Variants in SLC5A11 observed in about 807,000 individuals in gnomAD.
The protein encoded by SLC5A11 is sodium/myo-inositol cotransporter 2.
A neutral mutation model predicts 69.8 loss-of-function variants in SLC5A11; 48 were observed. That is an observed-to-expected ratio of 0.69 (90% CI 0.55 to 0.87). The LOEUF (loss-of-function observed/expected upper bound fraction) is 0.87, where lower values mean the gene tolerates loss of function less well. Among genes scored for constraint, SLC5A11 ranks in the 40% least tolerant of loss-of-function variants. SLC5A11 has a pLI of 0.00. For missense variants in SLC5A11, 784 were observed against 866.1 expected, an observed-to-expected ratio of 0.91 and a Z score of 1.19; for synonymous variants, 319 against 342.4, an observed-to-expected ratio of 0.93 and a Z score of 0.75.
chr16:24,880,156 T>C (rs968798282), intron 7 of SLC5A11, among the ~76,000 whole-genome samples: 1 of 151,788 alleles, frequency 6.6e-6, no homozygotes, highest in African/African-American at 2.4e-5. Flanking sequence ...TACCCGAGAC[T>C]GGATAATTTA....
intron 8 of SLC5A11, 75 bp from the exon 10 acceptor site, chr16:24,890,794 G>A: frequency 1.4e-6 from 2 of 1,419,720 alleles, no homozygotes; most frequent in Non-Finnish European, 2.0e-6. Context: ...AATTTCACCA[G>A]TCTCCAGCCA....
Position 24,854,218 on chromosome 16 carries a change from A to G in SLC5A11, c.-24-4402A>G, listed in dbSNP as rs116779991. Among the ~76,000 whole-genome samples the G allele has an allele frequency of 4.8e-3, 734 of 152,148 alleles. 5 individuals are homozygous for G. Among genetic ancestry groups the G allele is most frequent in the African/African-American group, 0.017 (686 of 41,518 alleles). ...CCTCCTCCCTCTGCCCCACTCCCCA[A>G]TTCAGCATCAACCTCCACCTAAACA... is the stretch of plus-strand genomic sequence containing the variant. On this transcript the variant is annotated intron_variant, in intron 1 of 15. Coordinates refer to ENST00000347898, the Ensembl canonical transcript of SLC5A11.
intron 8 of SLC5A11, among the ~76,000 whole-genome samples, chr16:24,890,560 A>G (rs1004384711): frequency 2.0e-5 from 3 of 151,438 alleles, no homozygotes; most frequent in African/African-American, 7.3e-5. Context: ...AAGAAAGAAA[A>G]AAGAAACTTG....
chr16:24,877,992 A>G (rs894056468), intron 7 of SLC5A11, among the ~76,000 whole-genome samples: 1 of 152,044 alleles, frequency 6.6e-6, no homozygotes, highest in Non-Finnish European at 1.5e-5. Flanking sequence ...TCACAACTAC[A>G]ACAACAAAAA....
At chr16:24,900,950 T>C (rs1042949568) in intron 10 of SLC5A11, among the ~76,000 whole-genome samples, 1 of 149,684 alleles carries the variant, frequency 6.7e-6, no homozygotes, top group African/African-American at 2.5e-5. Context: ...GGAAAGAATA[T>C]GGCTTCAAAC....
chr16:24,856,695 G>A (rs918239340), intron 1 of SLC5A11, among the ~76,000 whole-genome samples: 9 of 150,126 alleles, frequency 6.0e-5, no homozygotes, highest in African/African-American at 9.7e-5. Flanking sequence ...GGTGTGAACC[G>A]GGGAGGCAGA....
chr16:24,888,046 T>A (rs1019058987), intron 8 of SLC5A11, among the ~76,000 whole-genome samples: 12 of 152,134 alleles, frequency 7.9e-5, no homozygotes, highest in Non-Finnish European at 1.5e-4. Flanking sequence ...AAGATATAAA[T>A]TCTACAAATG....
intron 1 of SLC5A11, among the ~76,000 whole-genome samples, chr16:24,847,143 C>A (rs1410189854): frequency 6.6e-6 from 1 of 151,796 alleles, no homozygotes; most frequent in Admixed American, 6.6e-5. Context: ...CTCTTTCTTT[C>A]TTTTTCTTTC....
chr16:24,898,099 C>T, exon 10 of SLC5A11: 1 of 1,614,022 alleles, frequency 6.2e-7, no homozygotes. Context: ...TCAGCCGCAT[C>T]CTCTTCCCAG....
At chr16:24,901,194 G>A (rs1463556490) in intron 10 of SLC5A11, among the ~76,000 whole-genome samples, 2 of 152,124 alleles carry the variant, frequency 1.3e-5, no homozygotes, top group Non-Finnish European at 2.9e-5. Context: ...CACACAGTAA[G>A]CTCTATCCAA....
chr16:24,908,364 C>T (rs556497638), intron 13 of SLC5A11, among the ~76,000 whole-genome samples: 65 of 151,990 alleles, frequency 4.3e-4, no homozygotes, highest in African/African-American at 1.2e-3. Flanking sequence ...TTTGGGAGGC[C>T]GAGGTGGGTG....
intron 1 of SLC5A11, among the ~76,000 whole-genome samples, chr16:24,853,259 C>G (rs1315240137): frequency 7.0e-6 from 1 of 143,756 alleles, no homozygotes; most frequent in East Asian, 2.7e-4. Context: ...TCCCCAGGGC[C>G]TAGTACAGAG....
chr16:24,868,917 G>T (rs1247424664), intron 3 of SLC5A11, among the ~76,000 whole-genome samples: 1 of 149,994 alleles, frequency 6.7e-6, no homozygotes, highest in Non-Finnish European at 1.5e-5. Context: ...GTCCAGGCTG[G>T]AGTGCAGTGG....
At chr16:24,896,239 A>T (rs182451245) in intron 9 of SLC5A11, among the ~76,000 whole-genome samples, 1 of 152,076 alleles carries the variant, frequency 6.6e-6, no homozygotes, top group East Asian at 1.9e-4. Flanking sequence ...TGACATTGCT[A>T]CTTAGGAGGC....
chr16:24,908,890 T>A, exon 14 of SLC5A11: 1 of 1,613,434 alleles, frequency 6.2e-7, no homozygotes, highest in Non-Finnish European at 8.5e-7. Flanking sequence ...GGGTGCCTTC[T>A]GGGGCCTGAT....
chr16:24,878,669 G>A (rs1384772629), intron 7 of SLC5A11, among the ~76,000 whole-genome samples: 1 of 152,190 alleles, frequency 6.6e-6, no homozygotes, highest in African/African-American at 2.4e-5. Flanking sequence ...AGGCACAGAT[G>A]TAAGCAAGAC....
At position 24,858,784 on chromosome 16, in the gene SLC5A11, C is replaced by G. The variant is rs202206445; in HGVS notation, c.135+6C>G. Reference sequence around the variant, plus strand: ...TCCTGGCTGTTGGACTATGGGTAAGCCAGGCCACTGGGGGATGGGGGATGA... The same window carrying G: ...TCCTGGCTGTTGGACTATGGGTAAGGCAGGCCACTGGGGGATGGGGGATGA... On this transcript the variant is annotated splice_donor_region_variant and intron_variant, in intron 2 of 15. Coordinates refer to ENST00000347898, the Ensembl canonical transcript of SLC5A11. The G allele has an allele frequency of 1.2e-4, 188 of 1,608,138 alleles. No homozygotes were observed. The East Asian group carries it at 4.1e-3, about 35-fold the overall frequency.
At chr16:24,910,808 G>T (rs191201288) in intron 15 of SLC5A11, among the ~76,000 whole-genome samples, 1 of 152,062 alleles carries the variant, frequency 6.6e-6, no homozygotes, top group Non-Finnish European at 1.5e-5. Context: ...CTAAACTGGC[G>T]GCTTGCAGAC....
chr16:24,862,476 A>G (rs2046633352), intron 2 of SLC5A11, 125 bp from the exon 4 acceptor site: 1 of 592,208 alleles, frequency 1.7e-6, no homozygotes, highest in Non-Finnish European at 3.0e-6. Flanking sequence ...GAAACAAAAT[A>G]TATTTGATAT....
Sources: gnomAD v4.1 joint callset for allele counts (sites outside exome capture counted in the v4.1 genomes callset) on GRCh38, gnomAD v4.1.1 for gene constraint, MANE v1.5 for transcripts, NCBI Gene and HGNC (gene_info 2026-07-23, HGNC 2026-07-21) for gene names.